GRHL3: variants seen among roughly 807,000 people sequenced by gnomAD.
GRHL3 encodes grainyhead like transcription factor 3.
Under a neutral mutation model 70.3 loss-of-function variants are expected in GRHL3, and 20 were observed. That is an observed-to-expected ratio of 0.28 (90% CI 0.20 to 0.41). GRHL3 has a LOEUF of 0.41. Ranked by LOEUF, GRHL3 falls within the 10% of genes least tolerant of loss-of-function variation. The pLI is 1.00. For missense variants in GRHL3, 637 were observed against 762.3 expected (o/e 0.84, Z 1.94); for synonymous variants, 299 against 299.9 (o/e 1.00, Z 0.03).
At chr1:24,358,504 G>A, downstream of GRHL3, 2 of 1,528,782 alleles carry the variant, frequency 1.3e-6, no homozygotes, top group South Asian at 2.2e-5. Flanking sequence ...GGCAGGGTGG[G>A]CTGGTGGCTG....
chr1:24,336,848 C>T (rs763774678), intron 4 of GRHL3, 21 bp downstream of exon 4: 23 of 1,540,472 alleles, frequency 1.5e-5, no homozygotes, highest in Non-Finnish European at 2.0e-5. Flanking sequence ...ATCCCCGCTC[C>T]CCTATAGCAT....
chr1:24,325,043 A>T (rs1326478187), intron 1 of GRHL3, among the ~76,000 whole-genome samples: 1 of 151,134 alleles, frequency 6.6e-6, no homozygotes, highest in Non-Finnish European at 1.5e-5. Flanking sequence ...CTGGAAAATG[A>T]TTCCTCTGTG....
intron 3 of GRHL3, among the ~76,000 whole-genome samples, chr1:24,335,668 C>T (rs190518397): frequency 1.7e-3 from 256 of 151,966 alleles, no homozygotes; most frequent in African/African-American, 5.7e-3. Flanking sequence ...CTGCAAGCTC[C>T]GTCTCCCGGG....
In GRHL3 at chr1:24,342,476, C is replaced by T. The variant is rs562583263; in HGVS notation, c.1206+203C>T. Among the ~76,000 whole-genome samples, 12 of 152,264 alleles carry T rather than the reference C, an allele frequency of 7.9e-5. No homozygotes were observed. The highest frequency in any genetic ancestry group is 2.4e-4 in the African/African-American group (10 of 41,542). On this transcript the variant is annotated intron_variant, in intron 9 of 15. Transcript: ENST00000361548. This position sits in a 1 kb window ranked among gnomAD's most constrained non-coding sequence, Gnocchi z 4.8. ...TCTTCTTTTCTGTCTTCTGTCTGTCCGCCTCTCTCATGGCCTGTAGTGACC... is the reference window on the plus strand; with the variant it reads ...TCTTCTTTTCTGTCTTCTGTCTGTCTGCCTCTCTCATGGCCTGTAGTGACC...
chr1:24,334,737 G>T lies in GRHL3; in HGVS notation c.266+31G>T. 1 of 1,583,808 alleles carries T rather than the reference G, an allele frequency of 6.3e-7. No homozygotes were observed. The highest frequency in any genetic ancestry group is 8.6e-7 in the Non-Finnish European group (1 of 1,158,530). Reference sequence around the variant, plus strand: ...GCTTGCCAACACCCTCTGCCTCTTTGCCCTTCCCCACCTCCACCTGGAGCC... The same window carrying T: ...GCTTGCCAACACCCTCTGCCTCTTTTCCCTTCCCCACCTCCACCTGGAGCC... On this transcript the variant is annotated intron_variant, in intron 3 of 15. Coordinates refer to ENST00000361548, the MANE Select transcript of GRHL3 (RefSeq NM_198173.3). The surrounding 1 kb of genome is among the most constrained non-coding windows in gnomAD (Gnocchi z 4.3).
rs941354340 is a variant in GRHL3 at position 24,337,774 on chromosome 1, C to T, written c.825C>T (p.Ser275=). Reference sequence around the variant, plus strand: ...CAGGTGGCAAAGGCCTTGCCTTGTCCTCCAACAAAGTCAAGGTGCGTTGGC... The same window carrying T: ...CAGGTGGCAAAGGCCTTGCCTTGTCTTCCAACAAAGTCAAGGTGCGTTGGC... The part of the protein sequence containing the change: ...TPAGGKGLAL[S]SNKVKSVVMV... The change falls in exon 6 of 16, where the codon TCC becomes TCT. Residue 275 remains serine, a synonymous_variant. Transcript: ENST00000361548. 1 of 1,614,206 alleles carries T rather than the reference C, an allele frequency of 6.2e-7. No homozygotes were observed.
At position 24,322,385 on chromosome 1, in the gene GRHL3, G is replaced by C. The variant is rs1639229286; in HGVS notation, c.17+2817G>C. ...CCGGCTCCAGACTGCCTGGAGCGCT[G>C]AAAGAGTTAATCAGGAACGCCTCCC... On this transcript the variant is annotated intron_variant, in intron 1 of 15. Coordinates refer to ENST00000361548, the MANE Select transcript of GRHL3 (RefSeq NM_198173.3). The surrounding 1 kb of genome is among the most constrained non-coding windows in gnomAD (Gnocchi z 4.4). 6.6e-6 allele frequency among the ~76,000 whole-genome samples: 1 copy of C among 152,226 alleles called. No individual in the cohort carries two copies. Among genetic ancestry groups the C allele is most frequent in the Non-Finnish European group, 1.5e-5 (1 of 68,046 alleles).
Position 24,322,122 on chromosome 1 carries a change from C to G in GRHL3, c.17+2554C>G, listed in dbSNP as rs1390885841. 1.3e-5 allele frequency among the ~76,000 whole-genome samples: 2 copies of G among 152,100 alleles called. No individual in the cohort carries two copies. Among genetic ancestry groups the G allele is most frequent in the African/African-American group, 4.8e-5 (2 of 41,426 alleles). ...GCCGGCCGGCGCTCCAGGCAGGCCC[C>G]GTTGACAGCCCAGGAAGGGAGAGTT... is the stretch of plus-strand genomic sequence containing the variant. On this transcript the variant is annotated intron_variant, in intron 1 of 15. Coordinates refer to ENST00000361548, the MANE Select transcript of GRHL3 (RefSeq NM_198173.3). The surrounding 1 kb of genome is among the most constrained non-coding windows in gnomAD (Gnocchi z 4.4).
chr1:24,358,700 G>C (rs1227094374), downstream of GRHL3: 1 of 1,168,122 alleles, frequency 8.6e-7, no homozygotes, highest in Non-Finnish European at 1.2e-6. Flanking sequence ...CTCAGAGCTG[G>C]AAAGGCCTGG....
intron 1 of GRHL3, among the ~76,000 whole-genome samples, chr1:24,328,276 G>A (rs953160049): frequency 6.6e-6 from 1 of 152,244 alleles, no homozygotes; most frequent in African/African-American, 2.4e-5. Flanking sequence ...AGCAGGTGAT[G>A]TCACCTATTT....
At position 24,321,394 on chromosome 1, in the gene GRHL3, G is replaced by A. The variant is rs1041764806; in HGVS notation, c.17+1826G>A. Among the ~76,000 whole-genome samples, 4 of 152,226 alleles carry A rather than the reference G, an allele frequency of 2.6e-5. No homozygotes were observed. The highest frequency in any genetic ancestry group is 9.6e-5 in the African/African-American group (4 of 41,466). ...GGGGCTCAGCTGCCCCTACTGGTAA[G>A]GGGAGGGCACCCGGCGCTTGGCTTG... On this transcript the variant is annotated intron_variant, in intron 1 of 15. Transcript: ENST00000361548. This position sits in a 1 kb window ranked among gnomAD's most constrained non-coding sequence, Gnocchi z 4.0.
downstream of GRHL3, chr1:24,357,342 C>T (rs12122959): frequency 6.6e-6 from 1 of 152,262 alleles, no homozygotes; most frequent in Non-Finnish European, 1.5e-5. Context: ...TTCCCACCTC[C>T]TGAACTTCCC....
At chr1:24,356,707 T>G (rs1428220129), downstream of GRHL3, among the ~76,000 whole-genome samples, 1 of 152,258 alleles carries the variant, frequency 6.6e-6, no homozygotes, top group Non-Finnish European at 1.5e-5. Flanking sequence ...CAGGGCTCAC[T>G]GGTGGGTCTC....
intron 7 of GRHL3, among the ~76,000 whole-genome samples, chr1:24,339,146 A>G (rs552632268): frequency 1.3e-4 from 20 of 152,324 alleles, no homozygotes; most frequent in African/African-American, 4.6e-4. Context: ...GGCTTTGGGC[A>G]GATCTGCTTC....
chr1:24,329,498 G>A (rs1015662845), intron 1 of GRHL3, among the ~76,000 whole-genome samples: 2 of 152,262 alleles, frequency 1.3e-5, no homozygotes, highest in Non-Finnish European at 2.9e-5. Context: ...TGCGTGGCAA[G>A]TGTGTGCCTT....
Position 24,364,383 on chromosome 1 carries a change from G to A in GRHL3, c.*12G>A, listed in dbSNP as rs1569977984. The A allele has an allele frequency of 3.9e-6, 6 of 1,529,690 alleles. 1 individual carries two copies. In the Middle Eastern group the frequency reaches 6.8e-4, roughly 172 times the overall value. The allele number at this position is 1,529,690 out of a possible 1,614,324, so 94.8% of individuals were successfully genotyped here. ...TAAACTCGGAATGACACACCCACCT[G>A]GAGGAGAGGTGGAAGGACGACGGCA... On this transcript the variant is annotated 3_prime_UTR_variant, in exon 16 of 16. Coordinates refer to the GRHL3 transcript ENST00000350501.
chr1:24,324,178 C>T (rs1001636017), intron 1 of GRHL3, among the ~76,000 whole-genome samples: 7 of 152,124 alleles, frequency 4.6e-5, no homozygotes, highest in Non-Finnish European at 7.3e-5. Flanking sequence ...GAGAATATAG[C>T]ATGAAAGAAA....
intron 15 of GRHL3, chr1:24,364,038 C>A: frequency 8.1e-7 from 1 of 1,240,092 alleles, no homozygotes; most frequent in Non-Finnish European, 1.1e-6. Context: ...CTCCCATGTC[C>A]TGCTGCTTCC....
At chr1:24,336,453 T>G in intron 3 of GRHL3, 29 bp from the exon 4 acceptor site, 1 of 1,463,094 alleles carries the variant, frequency 6.8e-7, no homozygotes, top group East Asian at 2.3e-5. Flanking sequence ...CAGAGAGAAG[T>G]ACACTCAGCC....
Sources: gnomAD v4.1 joint callset for allele counts (sites outside exome capture counted in the v4.1 genomes callset) on GRCh38, gnomAD v4.1.1 for gene constraint, Gnocchi (gnomAD v3.1) non-coding constraint, MANE v1.5 for transcripts, NCBI Gene and HGNC (gene_info 2026-07-23, HGNC 2026-07-21) for gene names.